Variants in CCDC38 observed in about 807,000 individuals in gnomAD.
The protein encoded by CCDC38 is coiled-coil domain-containing protein 38.
Under a neutral mutation model 72.8 loss-of-function variants are expected in CCDC38, and 69 were observed. That is an observed-to-expected ratio of 0.95 (90% confidence interval 0.78 to 1.16). The LOEUF (loss-of-function observed/expected upper bound fraction) is 1.16, where lower values mean the gene tolerates loss of function less well. Among genes scored for constraint, CCDC38 ranks in the 50% most tolerant of loss-of-function variants. The pLI, the probability that CCDC38 is intolerant of heterozygous loss-of-function variation, is 0.00. For synonymous variants in CCDC38, 201 were observed against 213.2 expected, an observed-to-expected ratio of 0.94 and a Z score of 0.50; for missense variants, 626 against 638.9, an observed-to-expected ratio of 0.98 and a Z score of 0.22.
chr12:95,938,987 T>G (rs1383761366), intron 1 of CCDC38, among the ~76,000 whole-genome samples: 7 of 152,166 alleles, frequency 4.6e-5, no homozygotes, highest in African/African-American at 9.7e-5. Context: ...CTGCCAGCCA[T>G]CCATTTTAGA....
intron 4 of CCDC38, among the ~76,000 whole-genome samples, chr12:95,915,993 G>A (rs938262601): frequency 2.6e-5 from 4 of 152,186 alleles, no homozygotes; most frequent in Admixed American, 2.0e-4. Flanking sequence ...CTGCTGGAGT[G>A]TCCTGGGTAT....
At chr12:95,870,199 C>T (rs1025367635) in intron 14 of CCDC38, among the ~76,000 whole-genome samples, 2 of 152,150 alleles carry the variant, frequency 1.3e-5, no homozygotes, top group African/African-American at 4.8e-5. Flanking sequence ...GAAGAGTACA[C>T]AAATAAATGC....
rs1164841643 is a variant in CCDC38 at position 95,886,212 on chromosome 12, A to G, written c.920+2246T>C. On this transcript the variant is annotated intron_variant, in intron 10 of 15. Coordinates refer to ENST00000344280, the MANE Select transcript of CCDC38 (RefSeq NM_182496.3). ...TTGACAAAGGTGCAAAAGCAATTCA[A>G]TGAAAGAAGCCATTTCAACAAATGG... 5.9e-5 allele frequency among the ~76,000 whole-genome samples: 9 copies of G among 152,246 alleles called. No homozygotes were observed. The East Asian group carries it at 1.5e-3, about 26-fold the overall frequency.
chr12:95,933,070 T>C (rs1371852898), intron 2 of CCDC38: 2 of 152,160 alleles, frequency 1.3e-5, no homozygotes, highest in Non-Finnish European at 2.9e-5. Context: ...AAGGATAAAA[T>C]TGTCCCCCAA....
chr12:95,875,554 C>A (rs10859969), intron 13 of CCDC38, among the ~76,000 whole-genome samples: 1 of 151,830 alleles, frequency 6.6e-6, no homozygotes, highest in African/African-American at 2.4e-5. Flanking sequence ...GGAAAAGAAT[C>A]TTTTAAAAAA....
At position 95,871,785 on chromosome 12, in the gene CCDC38, T is replaced by G. The variant is rs570980903; in HGVS notation, c.1484+470A>C. Among the ~76,000 whole-genome samples the G allele has an allele frequency of 7.2e-5, 11 of 152,098 alleles. No individual in the cohort carries two copies. In the South Asian group the frequency reaches 2.3e-3, roughly 32 times the overall value. Reference sequence around the variant, plus strand: ...TTCATTAGGAATTTGGAGCCCTTCATGGGAGAACCACAGGTAGATTGAGTC... The same window carrying G: ...TTCATTAGGAATTTGGAGCCCTTCAGGGGAGAACCACAGGTAGATTGAGTC... On this transcript the variant is annotated intron_variant, in intron 14 of 15. Transcript: ENST00000344280.
chr12:95,885,282 T>A (rs774067399), intron 10 of CCDC38: 1 of 153,700 alleles, frequency 6.5e-6, no homozygotes, highest in Non-Finnish European at 1.5e-5. Context: ...AAGAAGACAC[T>A]GTTTGGACTG....
chr12:95,890,974 G>A (rs770034886), intron 8 of CCDC38, 44 bp from the exon 9 acceptor site: 31 of 1,125,800 alleles, frequency 2.8e-5, no homozygotes, highest in Non-Finnish European at 3.6e-5. Flanking sequence ...GAAAGATGGG[G>A]GGAAAAAAAC....
chr12:95,882,030 A>G (rs1471310665), intron 10 of CCDC38, among the ~76,000 whole-genome samples: 1 of 152,242 alleles, frequency 6.6e-6, no homozygotes, highest in African/African-American at 2.4e-5. Flanking sequence ...TTCTCAAAAT[A>G]TCTTCCAATC....
At chr12:95,888,366 TA>T (rs2079783333) in intron 10 of CCDC38, 91 bp downstream of exon 10, 2 of 1,120,196 alleles carry the variant, frequency 1.8e-6, no homozygotes, top group Admixed American at 3.4e-5. Context: ...CAGTTATGGG[TA>T]CATGACATAT....
At chr12:95,871,173 T>G (rs2079577102) in intron 14 of CCDC38, among the ~76,000 whole-genome samples, 1 of 152,196 alleles carries the variant, frequency 6.6e-6, no homozygotes, top group Non-Finnish European at 1.5e-5. Context: ...ACAATAATCA[T>G]TGCCTCAAAC....
rs1302025766 is a variant in CCDC38 at position 95,886,260 on chromosome 12, A to C, written c.920+2198T>G. Among the ~76,000 whole-genome samples, 3 of 152,330 alleles carry C rather than the reference A, an allele frequency of 2.0e-5. No homozygotes were observed. In the East Asian group the frequency reaches 5.8e-4, roughly 29 times the overall value. On this transcript the variant is annotated intron_variant, in intron 10 of 15. Coordinates refer to ENST00000344280, the MANE Select transcript of CCDC38 (RefSeq NM_182496.3). ...TGGTGCAGGAGCAATTGACATACAC[A>C]GGCAAAAAAGCACCATCACCACAAT...
rs1478486215 is a variant in CCDC38, at chr12:95,908,678, AGAGGGG to A, written c.305-2233_305-2228del. On this transcript the variant is annotated intron_variant, in intron 4 of 15. Coordinates refer to ENST00000344280, the MANE Select transcript of CCDC38 (RefSeq NM_182496.3). ...AGGGAGGAGAGGGAGAGGGAGAGGG[AGAGGGG>A]GCTGTCAAAATTCTTATCCAAGGTC... Among the ~76,000 whole-genome samples the A allele has an allele frequency of 2.1e-4, 17 of 79,196 alleles. 3 individuals carry two copies. Among genetic ancestry groups the A allele is most frequent in the Non-Finnish European group, 3.2e-4 (13 of 41,202 alleles). 52.0% of individuals were successfully genotyped at this position (79,196 alleles called of 152,430 possible).
intron 15 of CCDC38, among the ~76,000 whole-genome samples, chr12:95,868,610 C>CATAA (rs1279940557): frequency 2.0e-5 from 3 of 152,176 alleles, no homozygotes; most frequent in Non-Finnish European, 2.9e-5. Flanking sequence ...AGTAAGCATT[C>CATAA]GTTATGTGTT....
At chr12:95,869,019 T>C (rs2079552836) in intron 15 of CCDC38, among the ~76,000 whole-genome samples, 1 of 152,156 alleles carries the variant, frequency 6.6e-6, no homozygotes, top group African/African-American at 2.4e-5. Flanking sequence ...AGTTCCTAGT[T>C]ATCATTAGTA....
At chr12:95,907,657 G>A (rs1418207686) in intron 4 of CCDC38, among the ~76,000 whole-genome samples, 2 of 121,026 alleles carry the variant, frequency 1.7e-5, no homozygotes, top group African/African-American at 3.0e-5. Flanking sequence ...GGTGGCTGCC[G>A]GGCAGAGGGG....
At chr12:95,872,954 T>C (rs1196192242) in intron 13 of CCDC38, among the ~76,000 whole-genome samples, 1 of 152,242 alleles carries the variant, frequency 6.6e-6, no homozygotes, top group Non-Finnish European at 1.5e-5. Flanking sequence ...AGAGCATTAC[T>C]ATAGAACACC....
At chr12:95,875,280 G>A (rs2079623473) in intron 13 of CCDC38, among the ~76,000 whole-genome samples, 1 of 152,194 alleles carries the variant, frequency 6.6e-6, no homozygotes, top group Admixed American at 6.5e-5. Context: ...GATCTGGGGG[G>A]TAGCACACGG....
At chr12:95,880,756 T>G (rs1483999798) in intron 11 of CCDC38, among the ~76,000 whole-genome samples, 2 of 152,020 alleles carry the variant, frequency 1.3e-5, no homozygotes, top group African/African-American at 4.8e-5. Flanking sequence ...AGACAAATAC[T>G]GAGTGATTCC....
Sources: gnomAD v4.1 joint callset for allele counts (sites outside exome capture counted in the v4.1 genomes callset) on GRCh38, gnomAD v4.1.1 for gene constraint, MANE v1.5 for transcripts, NCBI Gene and HGNC (gene_info 2026-07-23, HGNC 2026-07-21) for gene names.